Variants in KCNIP4 observed in about 807,000 individuals in gnomAD.
The protein encoded by KCNIP4 is Kv channel-interacting protein 4.
A neutral mutation model predicts 34.0 loss-of-function variants in KCNIP4; 12 were observed. The observed-to-expected ratio is 0.35, with a 90% confidence interval of 0.23 to 0.57. The LOEUF (loss-of-function observed/expected upper bound fraction) is 0.57. Among genes scored for constraint, KCNIP4 ranks in the 20% least tolerant of loss-of-function variants. The pLI, the probability that KCNIP4 is intolerant of heterozygous loss-of-function variation, is 0.83. For synonymous variants in KCNIP4, 124 were observed against 102.2 expected (o/e 1.21, Z -1.29); for missense variants, 238 against 311.7 (o/e 0.76, Z 1.78).
In KCNIP4 at chr4:20,730,877, T is replaced by C. The variant is rs1747952410; in HGVS notation, c.706-748A>G. Among the ~76,000 whole-genome samples the C allele has an allele frequency of 2.0e-5, 3 of 152,262 alleles. No homozygotes were observed. In the South Asian group the frequency reaches 6.2e-4, roughly 32 times the overall value. On this transcript the variant is annotated intron_variant, in intron 8 of 8. Coordinates refer to ENST00000382152, the MANE Select transcript of KCNIP4 (RefSeq NM_025221.6). ...TGGTAAATGGTGGCTGAACCAATAA[T>C]GGCTTCCACTGCTAGAAACCAAGTA...
At chr4:21,620,994 A>G (rs1560569345) in intron 1 of KCNIP4, among the ~76,000 whole-genome samples, 2 of 152,084 alleles carry the variant, frequency 1.3e-5, no homozygotes, top group Non-Finnish European at 2.9e-5. Flanking sequence ...CAACCTTCCT[A>G]CTTTTTCTTC....
chr4:21,410,306 TG>T (rs545511127), intron 1 of KCNIP4, among the ~76,000 whole-genome samples: 36 of 152,276 alleles, frequency 2.4e-4, no homozygotes, highest in African/African-American at 7.7e-4. Flanking sequence ...CTTGCACAGG[TG>T]TTGCTTGCTT....
intron 1 of KCNIP4, among the ~76,000 whole-genome samples, chr4:21,725,423 A>G (rs1715123652): frequency 6.6e-6 from 1 of 152,150 alleles, no homozygotes; most frequent in East Asian, 1.9e-4. Context: ...ATTGGTTACA[A>G]AGGCAGCAAA....
At chr4:21,181,472 CT>C (rs1754838263) in intron 1 of KCNIP4, among the ~76,000 whole-genome samples, 1 of 152,154 alleles carries the variant, frequency 6.6e-6, no homozygotes, top group Non-Finnish European at 1.5e-5. Context: ...ATGGATTGCA[CT>C]GACTTTCAGG....
At chr4:21,387,949 T>C (rs1722179874) in intron 1 of KCNIP4, among the ~76,000 whole-genome samples, 1 of 152,130 alleles carries the variant, frequency 6.6e-6, no homozygotes, top group African/African-American at 2.4e-5. Context: ...ATAATGGACG[T>C]CAGGGACAGC....
chr4:21,566,236 G>C (rs1223684774), intron 1 of KCNIP4, among the ~76,000 whole-genome samples: 1 of 152,196 alleles, frequency 6.6e-6, no homozygotes, highest in African/African-American at 2.4e-5. Context: ...CAGGTGGCAA[G>C]AGGCCAGTCA....
At chr4:21,093,034 A>T (rs1430410484) in intron 1 of KCNIP4, among the ~76,000 whole-genome samples, 2 of 152,242 alleles carry the variant, frequency 1.3e-5, no homozygotes, top group Non-Finnish European at 1.5e-5. Context: ...ATACATAAAG[A>T]TAAATAATTT....
intron 1 of KCNIP4, among the ~76,000 whole-genome samples, chr4:21,101,144 G>T (rs941376847): frequency 6.6e-6 from 1 of 152,082 alleles, no homozygotes; most frequent in African/African-American, 2.4e-5. Context: ...TTTCCAGTGT[G>T]TATTATTGCG....
At chr4:21,669,346 G>A (rs1242117003) in intron 1 of KCNIP4, among the ~76,000 whole-genome samples, 2 of 152,232 alleles carry the variant, frequency 1.3e-5, no homozygotes, top group South Asian at 2.1e-4. Context: ...CAATCCTCTG[G>A]CCTTGGCCTC....
chr4:20,867,860 T>G (rs1357413841), intron 2 of KCNIP4, among the ~76,000 whole-genome samples: 1 of 151,910 alleles, frequency 6.6e-6, no homozygotes, highest in Admixed American at 6.6e-5. Flanking sequence ...AACAAGAACA[T>G]CACACACTGG....
intron 1 of KCNIP4, among the ~76,000 whole-genome samples, chr4:21,789,422 C>A (rs1389370193): frequency 1.3e-5 from 2 of 152,134 alleles, no homozygotes; most frequent in East Asian, 3.9e-4. Flanking sequence ...TGCAAAACCA[C>A]CACTAGATGG....
At chr4:21,072,867 T>G (rs527413575) in intron 1 of KCNIP4, among the ~76,000 whole-genome samples, 1 of 152,328 alleles carries the variant, frequency 6.6e-6, no homozygotes, top group South Asian at 2.1e-4. Context: ...TCCATATGGC[T>G]AGCCAGTTTT....
At chr4:21,391,508 G>A (rs574142209) in intron 1 of KCNIP4, among the ~76,000 whole-genome samples, 2 of 152,108 alleles carry the variant, frequency 1.3e-5, no homozygotes, top group East Asian at 1.9e-4. Flanking sequence ...TATCAGGAAC[G>A]TGCCCTAAAT....
intron 1 of KCNIP4, among the ~76,000 whole-genome samples, chr4:20,962,210 C>T (rs1297063420): frequency 6.6e-6 from 1 of 151,848 alleles, no homozygotes; most frequent in African/African-American, 2.4e-5. Context: ...GTCCCCTGGG[C>T]AGGACCACTC....
chr4:21,385,988 C>T (rs1229630794), intron 1 of KCNIP4, among the ~76,000 whole-genome samples: 5 of 152,166 alleles, frequency 3.3e-5, no homozygotes, highest in South Asian at 2.1e-4. Context: ...GATGATCTAA[C>T]GGTCATCAAT....
At chr4:21,518,653 A>G (rs900581907) in intron 1 of KCNIP4, among the ~76,000 whole-genome samples, 1 of 152,074 alleles carries the variant, frequency 6.6e-6, no homozygotes, top group African/African-American at 2.4e-5. Flanking sequence ...GTCATTTTTC[A>G]TCTGTATCAG....
intron 1 of KCNIP4, among the ~76,000 whole-genome samples, chr4:21,333,113 T>C (rs1298747847): frequency 2.0e-5 from 3 of 152,036 alleles, no homozygotes; most frequent in Non-Finnish European, 4.4e-5. Flanking sequence ...TTGAAATAGA[T>C]GTCCCTTCAA....
At chr4:21,560,390 G>A (rs13119355) in intron 1 of KCNIP4, among the ~76,000 whole-genome samples, 15,071 of 152,050 alleles carry the variant, frequency 0.099, 858 homozygotes, top group Middle Eastern at 0.19. Flanking sequence ...AAGTGTATCC[G>A]TAAACATGTA....
At chr4:21,373,167 T>A (rs1282229361) in intron 1 of KCNIP4, among the ~76,000 whole-genome samples, 2 of 146,498 alleles carry the variant, frequency 1.4e-5, no homozygotes, top group Non-Finnish European at 2.9e-5. Context: ...ACAAAAAATG[T>A]AAAAAATTAT....
Sources: allele counts gnomAD v4.1 joint callset (sites outside exome capture counted in the v4.1 genomes callset), GRCh38; gene constraint gnomAD v4.1.1; transcripts MANE v1.5; gene names NCBI Gene and HGNC (gene_info 2026-07-23, HGNC 2026-07-21).